KCNQ3: variants seen among roughly 807,000 people sequenced by gnomAD.
The protein encoded by KCNQ3 is potassium voltage-gated channel subfamily KQT member 3.
Under a neutral mutation model 92.5 loss-of-function variants are expected in KCNQ3, and 30 were observed. That is an observed-to-expected ratio of 0.32 (90% CI 0.24 to 0.44). The LOEUF is 0.44. Among genes scored for constraint, KCNQ3 ranks in the 20% least tolerant of loss-of-function variants. The probability of loss-of-function intolerance (pLI) is 1.00; values close to 1 mark genes in which losing one functional copy is unlikely to be tolerated. For missense variants in KCNQ3, 913 were observed against 1,140.3 expected (o/e 0.80, Z 2.87); for synonymous variants, 450 against 468.8 (o/e 0.96, Z 0.52).
At chr8:132,396,514 A>T (rs1335006698) in intron 1 of KCNQ3, among the ~76,000 whole-genome samples, 1 of 152,036 alleles carries the variant, frequency 6.6e-6, no homozygotes, top group Non-Finnish European at 1.5e-5. Context: ...TTTACTTTCA[A>T]ATTTGGTCTC....
chr8:132,450,636 G>T (rs887727437), intron 1 of KCNQ3, among the ~76,000 whole-genome samples: 23 of 152,208 alleles, frequency 1.5e-4, no homozygotes, highest in African/African-American at 5.3e-4. Flanking sequence ...AAGTGGAAGG[G>T]CTACAGGGCA....
chr8:132,145,944 C>T (rs181154718), intron 9 of KCNQ3, among the ~76,000 whole-genome samples: 31 of 152,224 alleles, frequency 2.0e-4, no homozygotes, highest in South Asian at 8.3e-4. Flanking sequence ...CATGTGGGTG[C>T]GAGGGGCATG....
intron 12 of KCNQ3, among the ~76,000 whole-genome samples, chr8:132,137,455 A>ATTAG (rs927711914): frequency 6.6e-6 from 1 of 152,214 alleles, no homozygotes; most frequent in Non-Finnish European, 1.5e-5. Context: ...GATGGCAATT[A>ATTAG]TTAGTTAGGC....
intron 1 of KCNQ3, among the ~76,000 whole-genome samples, chr8:132,291,097 A>AT (rs1283633059): frequency 2.6e-5 from 4 of 152,310 alleles, no homozygotes; most frequent in African/African-American, 9.6e-5. Flanking sequence ...AGCAAAAATC[A>AT]TTTTTGTACA....
chr8:132,163,558 G>T (rs17653354), intron 8 of KCNQ3, 64 bp from the exon 9 acceptor site: 1 of 1,313,424 alleles, frequency 7.6e-7, no homozygotes, highest in Non-Finnish European at 1.1e-6. Flanking sequence ...ATCCTTCCTC[G>T]AAAGATTGCT....
At chr8:132,192,198 G>A (rs1343831166) in intron 1 of KCNQ3, among the ~76,000 whole-genome samples, 1 of 152,184 alleles carries the variant, frequency 6.6e-6, no homozygotes, top group African/African-American at 2.4e-5. Flanking sequence ...CTTTGGCCAG[G>A]AGGGGGCAGC....
chr8:132,282,311 C>A (rs1816545319), intron 1 of KCNQ3, among the ~76,000 whole-genome samples: 1 of 152,176 alleles, frequency 6.6e-6, no homozygotes, highest in Admixed American at 6.5e-5. Flanking sequence ...TTAAAAAGAG[C>A]CATGTCCTTC....
chr8:132,202,429 T>G (rs1016423657), intron 1 of KCNQ3, among the ~76,000 whole-genome samples: 2 of 152,162 alleles, frequency 1.3e-5, no homozygotes, highest in African/African-American at 4.8e-5. Flanking sequence ...GCTTCCTACA[T>G]CTTTCAATTC....
chr8:132,347,893 C>A (rs972512432), intron 1 of KCNQ3, among the ~76,000 whole-genome samples: 1 of 145,686 alleles, frequency 6.9e-6, no homozygotes, highest in African/African-American at 2.5e-5. Context: ...AGGAGAATGG[C>A]GTGAACCTGG....
intron 1 of KCNQ3, among the ~76,000 whole-genome samples, chr8:132,406,618 A>G (rs900196092): frequency 3.9e-5 from 6 of 152,094 alleles, no homozygotes; most frequent in African/African-American, 1.4e-4. Flanking sequence ...ACAAATATGC[A>G]CAAACATGGA....
intron 8 of KCNQ3, among the ~76,000 whole-genome samples, chr8:132,167,098 G>GA (rs1301783541): frequency 6.6e-6 from 1 of 152,114 alleles, no homozygotes; most frequent in African/African-American, 2.4e-5. Context: ...CTATAAAAAG[G>GA]AAAAAGGTTC....
intron 8 of KCNQ3, among the ~76,000 whole-genome samples, chr8:132,167,713 T>C (rs868471488): frequency 6.6e-6 from 1 of 152,220 alleles, no homozygotes; most frequent in African/African-American, 2.4e-5. Flanking sequence ...TTAAAAACCA[T>C]TCTCATATCA....
intron 1 of KCNQ3, among the ~76,000 whole-genome samples, chr8:132,440,650 T>C (rs1418260552): frequency 6.6e-6 from 1 of 151,822 alleles, no homozygotes; most frequent in Non-Finnish European, 1.5e-5. Flanking sequence ...GAGGAGAAAA[T>C]ACACTAACTT....
At chr8:132,187,833 T>TGTG (rs1305035975) in intron 1 of KCNQ3, among the ~76,000 whole-genome samples, 5 of 77,270 alleles carry the variant, frequency 6.5e-5, no homozygotes, top group Admixed American at 4.2e-4. Context: ...TGGTGGTGAT[T>TGTG]GTGGTGGTGG....
chr8:132,443,895 A>T (rs1260611662), intron 1 of KCNQ3, among the ~76,000 whole-genome samples: 1 of 152,094 alleles, frequency 6.6e-6, no homozygotes. Context: ...CTACTTTCAC[A>T]CAGCTAAGGG....
intron 1 of KCNQ3, among the ~76,000 whole-genome samples, chr8:132,476,183 G>A (rs1298494722): frequency 3.9e-5 from 6 of 152,246 alleles, no homozygotes; most frequent in Admixed American, 3.9e-4. Context: ...ACACCTGGAT[G>A]TCCAGGCAGG....
intron 8 of KCNQ3, among the ~76,000 whole-genome samples, chr8:132,165,039 C>G (rs1254587072): frequency 1.3e-5 from 2 of 152,214 alleles, no homozygotes; most frequent in African/African-American, 2.4e-5. Flanking sequence ...CTTTCCCCTT[C>G]TCCCATATGC....
rs150592789 is a variant in KCNQ3, at chr8:132,317,890, C to T, written c.387-131709G>A. Among the ~76,000 whole-genome samples, 746 of 152,232 alleles carry T rather than the reference C, an allele frequency of 4.9e-3. 5 individuals carry two copies. Among genetic ancestry groups the T allele is most frequent in the African/African-American group, 0.017 (708 of 41,528 alleles). On this transcript the variant is annotated intron_variant, in intron 1 of 14. Transcript: ENST00000388996. ...GGGGGAACTTTATATTAAATGGAGA[C>T]GGGCCTGAGGTTGCACAGCTATTCA...
In KCNQ3 at chr8:132,128,866, T is replaced by C. The variant is rs78243592; in HGVS notation, c.*396A>G. 0.055 allele frequency: 11,786 copies of C among 215,522 alleles called. 410 individuals carry two copies. Among genetic ancestry groups the C allele is most frequent in the Non-Finnish European group, 0.075 (7,931 of 106,442 alleles). The allele number at this position is 215,522 out of a possible 1,614,324, so 13.4% of individuals were successfully genotyped here. ...GTTTTACACAAGAGGGCAGTGATCCTAGAAATAACTTAAACTACTTTCTCT... is the reference window on the plus strand; with the variant it reads ...GTTTTACACAAGAGGGCAGTGATCCCAGAAATAACTTAAACTACTTTCTCT... On this transcript the variant is annotated 3_prime_UTR_variant, in exon 15 of 15. Transcript: ENST00000388996.
Sources: gnomAD v4.1 joint callset for allele counts (sites outside exome capture counted in the v4.1 genomes callset) on GRCh38, gnomAD v4.1.1 for gene constraint, MANE v1.5 for transcripts, NCBI Gene and HGNC (gene_info 2026-07-23, HGNC 2026-07-21) for gene names.